Variants in LASP1 observed in about 807,000 individuals in gnomAD.
LASP1 encodes the protein LIM and SH3 domain protein 1.
LASP1 carries 10 observed loss-of-function variants against 38.6 expected under a neutral mutation model. The ratio of observed to expected loss-of-function variants is 0.26; its 90% CI spans 0.16 to 0.44. The LOEUF (loss-of-function observed/expected upper bound fraction) is 0.44, where lower values mean the gene tolerates loss of function less well. Among genes scored for constraint, LASP1 ranks in the 20% least tolerant of loss-of-function variants. The pLI is 1.00. For missense variants in LASP1, 243 were observed against 375.7 expected (o/e 0.65, Z 2.92); for synonymous variants, 132 against 140.8 (o/e 0.94, Z 0.44).
At chr17:38,872,331 C>T (rs545193291) in intron 1 of LASP1, among the ~76,000 whole-genome samples, 2 of 152,222 alleles carry the variant, frequency 1.3e-5, no homozygotes, top group African/African-American at 4.8e-5. Flanking sequence ...GCCGTGTACC[C>T]GAGGGGAGGG....
Position 38,870,172 on chromosome 17 carries a change from C to G in LASP1, c.-18C>G, listed in dbSNP as rs768722544. On this transcript the variant is annotated 5_prime_UTR_variant, in exon 1 of 7. Transcript: ENST00000318008. ...GCGCGTGAGCTCAGGCGTCCCCGCC[C>G]CAGCTTTTCTCGGAACCATGAACCC... 132 of 1,613,154 alleles carry G rather than the reference C, an allele frequency of 8.2e-5. 1 individual carries two copies. The East Asian group carries it at 2.9e-3, about 35-fold the overall frequency.
chr17:38,875,381 T>G (rs564774123), intron 1 of LASP1, among the ~76,000 whole-genome samples: 113 of 151,416 alleles, frequency 7.5e-4, no homozygotes, highest in African/African-American at 2.6e-3. Flanking sequence ...CAGGGGCCTG[T>G]GGGGGCAGGG....
At chr17:38,898,869 C>T (rs1480000288) in intron 4 of LASP1, 7 of 409,038 alleles carry the variant, frequency 1.7e-5, no homozygotes, top group African/African-American at 8.2e-5. Flanking sequence ...AACTGGGGGG[C>T]GGGGAGCACC....
intron 6 of LASP1, chr17:38,915,919 C>A (rs530399273): frequency 6.6e-6 from 1 of 152,400 alleles, no homozygotes; most frequent in Admixed American, 6.5e-5. Flanking sequence ...AGAACAGATA[C>A]TTAGAGAGAT....
intron 3 of LASP1, among the ~76,000 whole-genome samples, chr17:38,893,885 G>C (rs1914411887): frequency 6.6e-6 from 1 of 152,232 alleles, no homozygotes; most frequent in African/African-American, 2.4e-5. Flanking sequence ...TGCTCACCCA[G>C]CTTCACCCCA....
At chr17:38,914,975 T>TACCATGC in intron 5 of LASP1, 68 bp from the exon 6 acceptor site, 1 of 1,481,230 alleles carries the variant, frequency 6.8e-7, no homozygotes, top group African/African-American at 1.4e-5. Flanking sequence ...TATGGACTTC[T>TACCATGC]CGGGAGCTCT....
intron 4 of LASP1, among the ~76,000 whole-genome samples, chr17:38,905,626 A>T (rs148605477): frequency 6.6e-6 from 1 of 152,018 alleles, no homozygotes; most frequent in Admixed American, 6.6e-5. Context: ...TCCCACCAGC[A>T]GAGATGAGTT....
chr17:38,890,158 C>A, intron 2 of LASP1: 1 of 450,900 alleles, frequency 2.2e-6, no homozygotes. Context: ...CAGTGGCCAT[C>A]CTTTCGCTCA....
intron 3 of LASP1, among the ~76,000 whole-genome samples, chr17:38,898,165 G>C (rs767022969): frequency 6.6e-6 from 1 of 152,202 alleles, no homozygotes; most frequent in South Asian, 2.1e-4. Flanking sequence ...AAATGAGATG[G>C]TTCATGTAAG....
intron 2 of LASP1, among the ~76,000 whole-genome samples, chr17:38,887,981 G>T (rs768147296): frequency 1.3e-5 from 2 of 152,150 alleles, no homozygotes; most frequent in Non-Finnish European, 2.9e-5. Flanking sequence ...GCCATCTATG[G>T]CTTACCTGGG....
intron 4 of LASP1, among the ~76,000 whole-genome samples, chr17:38,912,232 G>A (rs1334076019): frequency 2.6e-5 from 4 of 152,260 alleles, no homozygotes; most frequent in East Asian, 3.9e-4. Context: ...CCCAGGGGCC[G>A]GTTCTGGGCT....
chr17:38,917,094 G>A (rs893129118), intron 6 of LASP1, among the ~76,000 whole-genome samples: 2 of 152,198 alleles, frequency 1.3e-5, no homozygotes, highest in African/African-American at 4.8e-5. Flanking sequence ...GATCTGTGCA[G>A]AGCGACATAG....
intron 1 of LASP1, among the ~76,000 whole-genome samples, chr17:38,876,153 G>A (rs1025416310): frequency 4.0e-5 from 6 of 151,306 alleles, no homozygotes; most frequent in Admixed American, 2.6e-4. Context: ...AGGCTGCCAC[G>A]TGGAGCCTGT....
At chr17:38,893,036 C>T (rs373542558) in intron 3 of LASP1, among the ~76,000 whole-genome samples, 7 of 152,166 alleles carry the variant, frequency 4.6e-5, no homozygotes, top group East Asian at 1.9e-4. Context: ...CGCATGTATG[C>T]GTGTATGCCT....
chr17:38,901,723 G>T (rs537406747), intron 4 of LASP1, among the ~76,000 whole-genome samples: 1 of 152,256 alleles, frequency 6.6e-6, no homozygotes, highest in Admixed American at 6.5e-5. Flanking sequence ...AAGTCAGAGG[G>T]TGCCAGATCA....
intron 2 of LASP1, among the ~76,000 whole-genome samples, chr17:38,887,640 G>C (rs1914180695): frequency 6.6e-6 from 1 of 152,184 alleles, no homozygotes; most frequent in African/African-American, 2.4e-5. Context: ...GGTGAGGGCT[G>C]GGGGACGGGC....
In LASP1 at chr17:38,918,353, G is replaced by T. The variant is rs1915194370; in HGVS notation, c.613-252G>T. Among the ~76,000 whole-genome samples the T allele has an allele frequency of 6.6e-6, 1 of 152,124 alleles. No individual in the cohort carries two copies. The highest frequency in any genetic ancestry group is 1.5e-5 in the Non-Finnish European group (1 of 68,022). ...TACTGCAGTCCTGTTCAGGGAGGTGGGGCAGAGCTGATGTGACCCGGTCCC... is the reference window on the plus strand; with the variant it reads ...TACTGCAGTCCTGTTCAGGGAGGTGTGGCAGAGCTGATGTGACCCGGTCCC... On this transcript the variant is annotated intron_variant, in intron 6 of 6. Transcript: ENST00000318008. The surrounding 1 kb of genome is among the most constrained non-coding windows in gnomAD (Gnocchi z 4.4).
At chr17:38,891,570 G>T (rs544261792) in intron 3 of LASP1, among the ~76,000 whole-genome samples, 122 of 152,234 alleles carry the variant, frequency 8.0e-4, no homozygotes, top group Non-Finnish European at 1.3e-3. Flanking sequence ...GGTAGGAGAG[G>T]CAATAATAAT....
intron 4 of LASP1, among the ~76,000 whole-genome samples, chr17:38,900,807 C>G (rs887051076): frequency 6.6e-5 from 10 of 152,156 alleles, no homozygotes; most frequent in Admixed American, 2.6e-4. Context: ...ATGCCTAGGG[C>G]GGGCACTCTA....
Sources: gnomAD v4.1 joint callset for allele counts (sites outside exome capture counted in the v4.1 genomes callset) on GRCh38, gnomAD v4.1.1 for gene constraint, Gnocchi (gnomAD v3.1) non-coding constraint, MANE v1.5 for transcripts, NCBI Gene and HGNC (gene_info 2026-07-23, HGNC 2026-07-21) for gene names.